SPTBN2: variants seen among roughly 807,000 people sequenced by gnomAD.
SPTBN2 encodes the protein spectrin beta chain, non-erythrocytic 2.
Under a neutral mutation model 284.2 loss-of-function variants are expected in SPTBN2, and 107 were observed. That is an observed-to-expected ratio of 0.38 (90% confidence interval 0.32 to 0.44). The LOEUF (loss-of-function observed/expected upper bound fraction) is 0.44. Ranked by LOEUF, SPTBN2 falls within the 20% of genes least tolerant of loss-of-function variation. The pLI, the probability that SPTBN2 is intolerant of heterozygous loss-of-function variation, is 1.00. For synonymous variants in SPTBN2, 1,289 were observed against 1,354.8 expected (o/e 0.95, Z 1.07); for missense variants, 2,569 against 3,287.1 (o/e 0.78, Z 5.34).
At chr11:66,735,266 G>A (rs1942843796) in intron 1 of SPTBN2, among the ~76,000 whole-genome samples, 1 of 151,360 alleles carries the variant, frequency 6.6e-6, no homozygotes, top group South Asian at 2.1e-4. Flanking sequence ...CCAGGAGGCA[G>A]AAGTTGCAGT....
At chr11:66,697,347 G>A (rs987963347) in intron 20 of SPTBN2, among the ~76,000 whole-genome samples, 1 of 152,166 alleles carries the variant, frequency 6.6e-6, no homozygotes, top group African/African-American at 2.4e-5. Context: ...GGTGGCTGTG[G>A]CTGTCAGGAT....
At position 66,687,241 on chromosome 11, in the gene SPTBN2, A is replaced by G; in HGVS notation, c.6723-74T>C. 6.3e-7 allele frequency: 1 copy of G among 1,595,786 alleles called. No individual in the cohort carries two copies. The highest frequency in any genetic ancestry group is 8.5e-7 in the Non-Finnish European group (1 of 1,174,598). ...CTGGAGCCCTCTTGGGTGTCCTAGGACTTCCAGTTCTGCTCCCATCTTTAG... is the reference window on the plus strand; with the variant it reads ...CTGGAGCCCTCTTGGGTGTCCTAGGGCTTCCAGTTCTGCTCCCATCTTTAG... On this transcript the variant is annotated intron_variant, in intron 35 of 37. Coordinates refer to ENST00000533211, the MANE Select transcript of SPTBN2 (RefSeq NM_006946.4). The surrounding 1 kb of genome is among the most constrained non-coding windows in gnomAD (Gnocchi z 5.2).
At chr11:66,706,378 TGGAGTGCAGTAGC>T (rs972207865) in intron 13 of SPTBN2, among the ~76,000 whole-genome samples, 4 of 152,258 alleles carry the variant, frequency 2.6e-5, no homozygotes, top group Non-Finnish European at 5.9e-5. Flanking sequence ...TAGTGCAGGC[TGGAGTGCAGTAGC>T]ACAATCTCAG....
At chr11:66,725,977 G>A (rs1244186326) in intron 1 of SPTBN2, among the ~76,000 whole-genome samples, 1 of 152,090 alleles carries the variant, frequency 6.6e-6, no homozygotes, top group Non-Finnish European at 1.5e-5. Flanking sequence ...AGGGCACTTC[G>A]GCATGCAGCT....
chr11:66,693,566 C>A lies in SPTBN2; in HGVS notation c.4594-120G>T, dbSNP rs186770706. The stretch of plus-strand genomic sequence containing the variant: ...CTGGGTCCTCTGCTCCCTCTCCTAG[C>A]CTGGGGGTGCGATGGTAACACCCGT... On this transcript the variant is annotated intron_variant, in intron 23 of 37. Coordinates refer to ENST00000533211, the MANE Select transcript of SPTBN2 (RefSeq NM_006946.4). The surrounding 1 kb of genome is among the most constrained non-coding windows in gnomAD (Gnocchi z 5.7). 19 of 1,490,462 alleles carry A rather than the reference C, an allele frequency of 1.3e-5. No individual in the cohort carries two copies. In the African/African-American group the frequency reaches 2.4e-4, roughly 18 times the overall value. The allele number at this position is 1,490,462 out of a possible 1,614,324, so 92.3% of individuals were successfully genotyped here.
chr11:66,707,750 G>A lies in SPTBN2; in HGVS notation c.1419C>T (p.Asp473=), dbSNP rs975191860. Residue 473 remains aspartate (D), a synonymous_variant, in exon 13 of 38, where the codon GAC becomes GAT. Coordinates refer to ENST00000533211, the MANE Select transcript of SPTBN2 (RefSeq NM_006946.4). This position sits in a 1 kb window ranked among gnomAD's most constrained non-coding sequence, Gnocchi z 4.9. ...AVRKHEAIET[D]IVAYSGRVQA... Reference sequence around the variant, plus strand: ...GCACCCGGCCGCTGTAGGCCACGATGTCCGTCTCAATGGCTTCGTGCTTCC... The same window carrying A: ...GCACCCGGCCGCTGTAGGCCACGATATCCGTCTCAATGGCTTCGTGCTTCC... 6.2e-7 allele frequency: 1 copy of A among 1,607,576 alleles called. No homozygotes were observed. The highest frequency in any genetic ancestry group is 8.5e-7 in the Non-Finnish European group (1 of 1,178,690).
At position 66,707,071 on chromosome 11, in the gene SPTBN2, C is replaced by T. The variant is rs1291294750; in HGVS notation, c.1653+445G>A. 3.9e-5 allele frequency among the ~76,000 whole-genome samples: 6 copies of T among 152,276 alleles called. No homozygotes were observed. Among genetic ancestry groups the T allele is most frequent in the African/African-American group, 7.2e-5 (3 of 41,474 alleles). ...CCCACTCCTCATGCTCACAGCCCAC[C>T]GGCCTTCCTTCTGATCCTGAACACA... On this transcript the variant is annotated intron_variant, in intron 13 of 37. Transcript: ENST00000533211. This position sits in a 1 kb window ranked among gnomAD's most constrained non-coding sequence, Gnocchi z 4.9.
Position 66,692,677 on chromosome 11 carries a change from A to G in SPTBN2, c.5049T>C (p.Ala1683=). The G allele has an allele frequency of 6.2e-7, 1 of 1,605,494 alleles. No homozygotes were observed. The highest frequency in any genetic ancestry group is 8.5e-7 in the Non-Finnish European group (1 of 1,179,938). The change falls in exon 26 of 38, where the codon GCT becomes GCC. Residue 1683 remains alanine, a synonymous_variant. Coordinates refer to ENST00000533211, the MANE Select transcript of SPTBN2 (RefSeq NM_006946.4). ...DKLYAGLKEL[A]GERRERLQEH... ...CCTGCAGGCGCTCCCGCCGCTCTCC[A>G]GCCAGCTCCTTCAGGCCGGCATACA...
At chr11:66,733,895 G>A (rs553460116), upstream of SPTBN2, among the ~76,000 whole-genome samples, 46 of 151,110 alleles carry the variant, frequency 3.0e-4, no homozygotes, top group African/African-American at 1.0e-3. Context: ...GGAGAATGGC[G>A]TGAACCCGGG....
rs1942127203 is a variant in SPTBN2, at chr11:66,715,981, T to C, written c.158A>G (p.Asp53Gly). The change falls in exon 4 of 38, where the codon GAT becomes GGT. Residue 53 changes from aspartate (D) to glycine (G), a missense_variant and splice_region_variant. Around this residue, in one of 6 missense-constraint regions of SPTBN2, gnomAD observed 304 missense variants for 522.1 expected, o/e 0.58. Transcript: ENST00000533211. The surrounding 1 kb of genome is among the most constrained non-coding windows in gnomAD (Gnocchi z 5.3). ...TTTCTTCTGCACAGCTTCTCGTTCA[T>C]CTGTGGTGGCAACATGGGTTTATTT... Reference protein sequence around the residue: ...FERSRIKALADEREAVQKKTF... With the variant: ...FERSRIKALAGEREAVQKKTF... 6.2e-7 allele frequency: 1 copy of C among 1,613,718 alleles called. No individual in the cohort carries two copies. Among genetic ancestry groups the C allele is most frequent in the African/African-American group, 1.3e-5 (1 of 74,890 alleles).
chr11:66,696,676 G>A (rs770976048), intron 20 of SPTBN2, 136 bp from the exon 21 acceptor site: 1 of 1,210,264 alleles, frequency 8.3e-7, no homozygotes, highest in Non-Finnish European at 1.2e-6. Flanking sequence ...TGTTCTTATC[G>A]ACACACTCTT....
chr11:66,703,992 T>C (rs1317700297), intron 15 of SPTBN2, among the ~76,000 whole-genome samples: 2 of 126,036 alleles, frequency 1.6e-5, no homozygotes, highest in Non-Finnish European at 3.5e-5. Flanking sequence ...TTTTTTTTTT[T>C]GAGACAGTCT....
chr11:66,714,001 C>T (rs533991769), intron 7 of SPTBN2, 90 bp downstream of exon 7: 52 of 1,330,692 alleles, frequency 3.9e-5, no homozygotes, highest in Non-Finnish European at 5.5e-5. Context: ...GACTGCTGTG[C>T]AGCTCATCTC....
intron 5 of SPTBN2, 22 bp from the exon 6 acceptor site, chr11:66,714,429 C>T: frequency 6.3e-7 from 1 of 1,592,114 alleles, no homozygotes; most frequent in Non-Finnish European, 8.6e-7. Flanking sequence ...GCAAGCAGGG[C>T]CCTCAGTCCC....
chr11:66,690,146 C>G lies in SPTBN2; in HGVS notation c.5703G>C (p.Gln1901His). The G allele has an allele frequency of 6.2e-7, 1 of 1,614,230 alleles. No individual in the cohort carries two copies. Residue 1901 changes from glutamine to histidine, a missense_variant, in exon 28 of 38, where the codon CAG (glutamine) becomes CAC (histidine). By Grantham distance (24) the Gln-to-His change is conservative (BLOSUM62 0). Transcript: ENST00000533211. ...ACTTGTCTGTGGTGTCCAGCAGCAG[C>G]TGCCGGCGGGCGGCAGAGCTTCCCT... ...QLQGSSAARR[Q>H]LLLDTTDKFR...
intron 3 of SPTBN2, among the ~76,000 whole-genome samples, chr11:66,719,211 C>T (rs1329542791): frequency 6.6e-6 from 1 of 152,248 alleles, no homozygotes; most frequent in Non-Finnish European, 1.5e-5. Flanking sequence ...CCTTCACTCC[C>T]TCATCTGTGA....
rs1318680465 is a variant in SPTBN2, at chr11:66,684,564, G to A, written c.*1307C>T. On this transcript the variant is annotated 3_prime_UTR_variant, in exon 38 of 38. Coordinates refer to ENST00000533211, the MANE Select transcript of SPTBN2 (RefSeq NM_006946.4). ...GTGGGAGGATTGCTTGAACCCAGGA[G>A]GTGGAGGTTGCAATGGGCTGTGATT... Among the ~76,000 whole-genome samples, 1 of 151,874 alleles carries A rather than the reference G, an allele frequency of 6.6e-6. No homozygotes were observed. The highest frequency in any genetic ancestry group is 2.4e-5 in the African/African-American group (1 of 41,288).
rs767775507 is a variant in SPTBN2 at position 66,707,647 on chromosome 11, T to G, written c.1522A>C (p.Asn508His). 44 of 1,608,856 alleles carry G rather than the reference T, an allele frequency of 2.7e-5. No individual in the cohort carries two copies. In the East Asian group the frequency reaches 2.9e-4, roughly 11 times the overall value. Residue 508 changes from asparagine (N) to histidine (H), a missense_variant, in exon 13 of 38, where the codon AAC becomes CAC. Asn to His is a moderately conservative substitution (Grantham distance 68). Around this residue, in one of 6 missense-constraint regions of SPTBN2, gnomAD observed 1,012 missense variants for 1,248.9 expected, o/e 0.81. Coordinates refer to ENST00000533211, the MANE Select transcript of SPTBN2 (RefSeq NM_006946.4). The surrounding 1 kb of genome is among the most constrained non-coding windows in gnomAD (Gnocchi z 4.9). ...AAGAAGTCCCAGAGCCGTGCCACGT[T>G]GTGCTGCCGAGCGGCGATGCGCTTG... Reference protein sequence around the residue: ...DIKRIAARQHNVARLWDFLRQ... With the variant: ...DIKRIAARQHHVARLWDFLRQ...
In SPTBN2 at chr11:66,708,221, C is replaced by CCAGCTTCTCCTGGCGGATGAGCTCGG; in HGVS notation, c.1244_1269dup (p.Glu424ProfsTer136). ...CGGTCGAAGCGGGCGGCCAGCTGCTCCAGCTTCTCCTGGCGGATGAGCTCG... is the reference window on the plus strand; with the variant it reads ...CGGTCGAAGCGGGCGGCCAGCTGCTCCAGCTTCTCCTGGCGGATGAGCTCGGCAGCTTCTCCTGGCGGATGAGCTCG... On this transcript the variant is annotated frameshift_variant, in exon 12 of 38. Transcript: ENST00000533211. LOFTEE classifies it high-confidence loss of function. The surrounding 1 kb of genome is among the most constrained non-coding windows in gnomAD (Gnocchi z 4.4). 1 of 1,611,622 alleles carries CCAGCTTCTCCTGGCGGATGAGCTCGG rather than the reference C, an allele frequency of 6.2e-7. No individual in the cohort carries two copies. The highest frequency in any genetic ancestry group is 8.5e-7 in the Non-Finnish European group (1 of 1,178,878).
Sources: allele counts gnomAD v4.1 joint callset (sites outside exome capture counted in the v4.1 genomes callset), GRCh38; gene constraint gnomAD v4.1.1; regional missense constraint gnomAD v4.1.1; non-coding constraint Gnocchi (gnomAD v3.1); transcripts MANE v1.5; gene names NCBI Gene and HGNC (gene_info 2026-07-23, HGNC 2026-07-21).